Variants in FMN2 observed in about 807,000 individuals in gnomAD.
FMN2 encodes the protein formin-2.
A neutral mutation model predicts 142.3 loss-of-function variants in FMN2; 51 were observed. The ratio of observed to expected loss-of-function variants is 0.36; its 90% confidence interval spans 0.29 to 0.45. The LOEUF is 0.45. Ranked by LOEUF, FMN2 falls within the 20% of genes least tolerant of loss-of-function variation. FMN2 has a pLI of 1.00. For missense variants in FMN2, 1,936 were observed against 2,122.8 expected (o/e 0.91, Z 1.73); for synonymous variants, 882 against 869.8 (o/e 1.01, Z -0.25).
chr1:240,142,623 GCC>G (rs1263421766), intron 2 of FMN2: 1 of 1,543,386 alleles, frequency 6.5e-7, no homozygotes, highest in African/African-American at 1.4e-5. Flanking sequence ...AGGATGCATG[GCC>G]CACTGATACA....
intron 13 of FMN2, among the ~76,000 whole-genome samples, chr1:240,343,272 G>T (rs571894173): frequency 6.6e-6 from 1 of 152,280 alleles, no homozygotes; most frequent in African/African-American, 2.4e-5. Flanking sequence ...ACATGCATTA[G>T]CTCATTTAAT....
At chr1:240,189,568 G>A (rs539335472) in intron 4 of FMN2, among the ~76,000 whole-genome samples, 1 of 152,358 alleles carries the variant, frequency 6.6e-6, no homozygotes, top group South Asian at 2.1e-4. Flanking sequence ...CCCTGGAGGA[G>A]AAATTGGGGT....
chr1:240,205,443 G>A (rs1007373288), intron 4 of FMN2, among the ~76,000 whole-genome samples: 1 of 150,012 alleles, frequency 6.7e-6, no homozygotes, highest in East Asian at 1.9e-4. Flanking sequence ...CCTTAAGAAG[G>A]CAATGCTCTT....
At chr1:240,443,768 T>A (rs1206419615) in intron 16 of FMN2, among the ~76,000 whole-genome samples, 4 of 152,036 alleles carry the variant, frequency 2.6e-5, no homozygotes, top group Non-Finnish European at 4.4e-5. Flanking sequence ...AAAAAATTTT[T>A]TTTTCAATTT....
intron 6 of FMN2, among the ~76,000 whole-genome samples, chr1:240,246,134 C>T (rs999611859): frequency 6.6e-5 from 10 of 151,892 alleles, no homozygotes; most frequent in Non-Finnish European, 1.0e-4. Flanking sequence ...GAGCTGAGAT[C>T]GCACCACTGC....
intron 13 of FMN2, among the ~76,000 whole-genome samples, chr1:240,339,359 T>G (rs1169743394): frequency 6.6e-6 from 1 of 152,140 alleles, no homozygotes; most frequent in Non-Finnish European, 1.5e-5. Flanking sequence ...AATCTCTTAC[T>G]GTGCCTAGTT....
chr1:240,343,235 G>A (rs758220754), intron 13 of FMN2, among the ~76,000 whole-genome samples: 1 of 152,198 alleles, frequency 6.6e-6, no homozygotes, highest in Non-Finnish European at 1.5e-5. Flanking sequence ...AAAGTAGCTT[G>A]CTATGACTAC....
Position 240,182,919 on chromosome 1 carries a change from C to CT in FMN2, c.1930+4866dup, listed in dbSNP as rs66527453. Among the ~76,000 whole-genome samples, 230 of 138,324 alleles carry CT rather than the reference C, an allele frequency of 1.7e-3. 1 individual carries two copies. The highest frequency in any genetic ancestry group is 2.9e-3 in the East Asian group (14 of 4,802). The allele number at this position is 138,324 out of a possible 152,430, so 90.7% of individuals were successfully genotyped here. ...CAATACAACTCATTTCTTTTCTTTT[C>CT]TTTTTTTTTTTTTTTGAGACAGGGT... is the stretch of plus-strand genomic sequence containing the variant. On this transcript the variant is annotated intron_variant, in intron 3 of 17. Transcript: ENST00000319653.
chr1:240,127,384 T>G (rs940285672), intron 2 of FMN2, among the ~76,000 whole-genome samples: 1 of 151,362 alleles, frequency 6.6e-6, no homozygotes, highest in Non-Finnish European at 1.5e-5. Context: ...TTTTTTTTTT[T>G]AAATGGGAGC....
Position 240,188,405 on chromosome 1 carries a change from G to A in FMN2, c.1986+143G>A, listed in dbSNP as rs1438078539. 4.3e-6 allele frequency: 3 copies of A among 703,382 alleles called. No homozygotes were observed. In the African/African-American group the frequency reaches 5.4e-5, roughly 13 times the overall value. The allele number at this position is 703,382 out of a possible 1,614,324, so 43.6% of individuals were successfully genotyped here. A position where few individuals can be genotyped will look rare whatever the true frequency, so the allele number is the denominator to read the frequency against. On this transcript the variant is annotated intron_variant, in intron 4 of 17. Coordinates refer to ENST00000319653, the MANE Select transcript of FMN2 (RefSeq NM_020066.5). The stretch of plus-strand genomic sequence containing the variant: ...CTAAGCCTGCAGTGGAATCCAGTCA[G>A]GCAGAAGGGGATGTTTTCTTCCATT...
At position 240,259,923 on chromosome 1, in the gene FMN2, C is replaced by G. The variant is rs1189738011; in HGVS notation, c.4153+1891C>G. 2.6e-5 allele frequency among the ~76,000 whole-genome samples: 4 copies of G among 152,202 alleles called. No homozygotes were observed. In the East Asian group the frequency reaches 7.7e-4, roughly 29 times the overall value. On this transcript the variant is annotated intron_variant, in intron 7 of 17. Transcript: ENST00000319653. ...CCCCTCCCACCCTTCCACCAAGTCCCCAAAGTCCATTGTATCACTTTTTAT... is the reference window on the plus strand; with the variant it reads ...CCCCTCCCACCCTTCCACCAAGTCCGCAAAGTCCATTGTATCACTTTTTAT...
chr1:240,170,376 T>G (rs1481772537), intron 2 of FMN2: 14 of 1,192,000 alleles, frequency 1.2e-5, no homozygotes, highest in Non-Finnish European at 1.8e-5. Context: ...GACATGAAGG[T>G]GCTGGAATTG....
intron 6 of FMN2, among the ~76,000 whole-genome samples, chr1:240,228,328 A>AAAAAAAAAAAAAAAAAAAAAAAAAAAAG (rs1558380489): frequency 1.5e-5 from 1 of 66,366 alleles, no homozygotes; most frequent in Non-Finnish European, 2.7e-5. Flanking sequence ...AAAAAAAAAA[A>AAAAAAAAAAAAAAAAAAAAAAAAAAAAG]AAAAGAAAAA....
At chr1:240,280,258 A>T (rs920735581) in intron 7 of FMN2, among the ~76,000 whole-genome samples, 2 of 152,076 alleles carry the variant, frequency 1.3e-5, no homozygotes, top group Non-Finnish European at 2.9e-5. Context: ...AAAAAGGAAA[A>T]TTTTTTCCCT....
In FMN2 at chr1:240,428,198, AATT is replaced by A. The variant is rs753825083; in HGVS notation, c.4911-9856_4911-9854del. ...TATTTGATGTGTTTTACTCTTTTGC[AATT>A]ATTATTGTTACTGATCTCCAAAACA... On this transcript the variant is annotated intron_variant, in intron 15 of 17. Coordinates refer to ENST00000319653, the MANE Select transcript of FMN2 (RefSeq NM_020066.5). Among the ~76,000 whole-genome samples the A allele has an allele frequency of 7.9e-5, 12 of 151,714 alleles. No homozygotes were observed. The East Asian group carries it at 1.7e-3, about 22-fold the overall frequency.
chr1:240,460,133 G>T (rs1295648008), intron 16 of FMN2, among the ~76,000 whole-genome samples: 2 of 152,154 alleles, frequency 1.3e-5, no homozygotes, highest in Non-Finnish European at 2.9e-5. Flanking sequence ...GAACGCTATA[G>T]CCCACTGTGT....
At chr1:240,211,295 AT>A in intron 6 of FMN2, 60 bp downstream of exon 6, 1 of 1,530,386 alleles carries the variant, frequency 6.5e-7, no homozygotes, top group Non-Finnish European at 8.9e-7. Flanking sequence ...GTGAACTGTC[AT>A]TAGAGAAAAC....
chr1:240,450,198 T>C (rs1675963139), intron 16 of FMN2, among the ~76,000 whole-genome samples: 1 of 152,172 alleles, frequency 6.6e-6, no homozygotes, highest in South Asian at 2.1e-4. Flanking sequence ...TTACAGCTAA[T>C]ATAATTCCTA....
intron 6 of FMN2, among the ~76,000 whole-genome samples, chr1:240,235,590 T>C (rs1572100460): frequency 7.5e-6 from 1 of 133,696 alleles, no homozygotes; most frequent in African/African-American, 2.5e-5. Context: ...TAAAAATTTT[T>C]TATTATTTTT....
Sources: gnomAD v4.1 joint callset for allele counts (sites outside exome capture counted in the v4.1 genomes callset) on GRCh38, gnomAD v4.1.1 for gene constraint, MANE v1.5 for transcripts, NCBI Gene and HGNC (gene_info 2026-07-23, HGNC 2026-07-21) for gene names.